DMPK: variants seen among roughly 807,000 people sequenced by gnomAD.
The protein encoded by DMPK is myotonin-protein kinase.
A neutral mutation model predicts 70.3 loss-of-function variants in DMPK; 32 were observed. The observed-to-expected ratio is 0.46, with a 90% confidence interval of 0.34 to 0.61. The LOEUF is 0.61. Among genes scored for constraint, DMPK ranks in the 20% least tolerant of loss-of-function variants. The pLI, the probability that DMPK is intolerant of heterozygous loss-of-function variation, is 0.01. For missense variants in DMPK, 899 were observed against 886.0 expected, an observed-to-expected ratio of 1.01 and a Z score of -0.19; for synonymous variants, 469 against 390.9, an observed-to-expected ratio of 1.20 and a Z score of -2.36.
intron 8 of DMPK, chr19:45,776,888 C>T (rs1969801759): frequency 6.0e-6 from 1 of 166,890 alleles, no homozygotes; most frequent in Non-Finnish European, 1.3e-5. Flanking sequence ...GTGCTGGATC[C>T]CCAGTATTGT....
chr19:45,769,806 T>G lies in DMPK; in HGVS notation c.*682A>C, dbSNP rs936855500. ...CAATAAATACCGAGGAATGTCGGGG[T>G]CTCAGTGCATCCAAAACGTGGATTG... On this transcript the variant is annotated 3_prime_UTR_variant, in exon 15 of 15. Coordinates refer to ENST00000291270, the MANE Select transcript of DMPK (RefSeq NM_004409.5). 1 of 204,286 alleles carries G rather than the reference T, an allele frequency of 4.9e-6. No homozygotes were observed. The highest frequency in any genetic ancestry group is 1.0e-5 in the Non-Finnish European group (1 of 99,184). 12.7% of individuals were successfully genotyped at this position (204,286 alleles called of 1,614,324 possible). A position where few individuals can be genotyped will look rare whatever the true frequency, so the allele number is the denominator to read the frequency against.
chr19:45,780,449 G>A, intron 1 of DMPK: 2 of 1,269,950 alleles, frequency 1.6e-6, no homozygotes, highest in South Asian at 2.9e-5. Context: ...AAGTGCTCCG[G>A]TCCAGCCCAT....
At position 45,778,166 on chromosome 19, in the gene DMPK, G is replaced by A. The variant is rs748180973; in HGVS notation, c.636C>T (p.Ala212=). 40 of 1,613,582 alleles carry A rather than the reference G, an allele frequency of 2.5e-5. No homozygotes were observed. Among genetic ancestry groups the A allele is most frequent in the African/African-American group, 2.4e-4 (18 of 74,918 alleles). ...LLDRCGHIRL[A]DFGSCLKLRA... Reference sequence around the variant, plus strand: ...GCAGCTTGAGGCAAGAGCCGAAGTCGGCCAGGCGGATGTGGCCACAGCGGT... The same window carrying A: ...GCAGCTTGAGGCAAGAGCCGAAGTCAGCCAGGCGGATGTGGCCACAGCGGT... The change falls in exon 6 of 15, where the codon GCC becomes GCT. Residue 212 remains alanine (A), a synonymous_variant. Transcript: ENST00000291270.
chr19:45,782,372 G>C lies in DMPK; in HGVS notation c.-20C>G, dbSNP rs770724824. The C allele has an allele frequency of 4.5e-6, 7 of 1,545,812 alleles. No individual in the cohort carries two copies. The African/African-American group carries it at 9.6e-5, about 21-fold the overall frequency. ...TGACATGTTGGACAGGCAGCACCAT[G>C]GCCCCTCCCCGGGCCGGGGGCTCGG... On this transcript the variant is annotated 5_prime_UTR_variant, in exon 1 of 15. Transcript: ENST00000291270.
chr19:45,781,745 G>C (rs1444923067), intron 1 of DMPK, among the ~76,000 whole-genome samples: 1 of 152,204 alleles, frequency 6.6e-6, no homozygotes, highest in African/African-American at 2.4e-5. Flanking sequence ...CTGCCTGTCG[G>C]CTGCGCCCCT....
chr19:45,779,272 T>A lies in DMPK; in HGVS notation c.424A>T (p.Asn142Tyr), dbSNP rs1416187745. 1 of 1,613,818 alleles carries A rather than the reference T, an allele frequency of 6.2e-7. No homozygotes were observed. Among genetic ancestry groups the A allele is most frequent in the Admixed American group, 1.7e-5 (1 of 60,016 alleles). The change falls in exon 4 of 15, where the codon AAC (asparagine) becomes TAC (tyrosine). Residue 142 changes from asparagine to tyrosine, a missense_variant. Asn to Tyr is a moderately radical substitution (Grantham distance 143). Around this residue, in one of 3 missense-constraint regions of DMPK, gnomAD observed 195 missense variants for 259.7 expected, o/e 0.75. Transcript: ENST00000291270. ...CCCGGCCCGGAGCTCACCAGGTAGT[T>A]CTCATCCTGGAAGGCGAAGTGCAGC... ...TQLHFAFQDE[N>Y]YLYLVMEYYV...
intron 9 of DMPK, among the ~76,000 whole-genome samples, chr19:45,774,542 G>A (rs572862323): frequency 3.2e-4 from 48 of 152,302 alleles, no homozygotes; most frequent in Non-Finnish European, 3.8e-4. Context: ...GATTACAGGC[G>A]TGAGCCACCG....
chr19:45,773,473 T>C (rs763333603), intron 9 of DMPK, among the ~76,000 whole-genome samples: 12 of 152,078 alleles, frequency 7.9e-5, no homozygotes, highest in Non-Finnish European at 1.6e-4. Flanking sequence ...TTAGACAAAG[T>C]AGCATGAGGA....
Position 45,776,390 on chromosome 19 carries a change from G to A in DMPK, c.1146+937C>T, listed in dbSNP as rs554139617. Among the ~76,000 whole-genome samples the A allele has an allele frequency of 2.0e-5, 3 of 150,474 alleles. 1 individual carries two copies. The highest frequency in any genetic ancestry group is 3.0e-5 in the Non-Finnish European group (2 of 67,622). Reference sequence around the variant, plus strand: ...GATCTCCTGACCTCGTGATCCACCCGCCTCGGCCTCCCAAAGTGCTGAGAT... The same window carrying A: ...GATCTCCTGACCTCGTGATCCACCCACCTCGGCCTCCCAAAGTGCTGAGAT... On this transcript the variant is annotated intron_variant, in intron 8 of 14. Coordinates refer to ENST00000291270, the MANE Select transcript of DMPK (RefSeq NM_004409.5).
Position 45,780,148 on chromosome 19 carries a change from C to T in DMPK, c.161-279G>A, listed in dbSNP as rs931225462. On this transcript the variant is annotated intron_variant, in intron 1 of 14. Transcript: ENST00000291270. ...GTGCAGGATGGTTAGGGTGGGGTAA[C>T]GGAGTCTGCAGAAGGACAGACCCTA... 8 of 1,434,852 alleles carry T rather than the reference C, an allele frequency of 5.6e-6. No homozygotes were observed. In the African/African-American group the frequency reaches 7.2e-5, roughly 13 times the overall value. 88.9% of individuals were successfully genotyped at this position (1,434,852 alleles called of 1,614,324 possible).
chr19:45,770,204 C>CCAG lies in DMPK; in HGVS notation c.*281_*283dup. ...AAGAAAGAAATGGTCTGTGATCCCC[C>CCAG]CAGCAGCAGCAGCAGCAGCAGCAGC... On this transcript the variant is annotated 3_prime_UTR_variant, in exon 15 of 15. Transcript: ENST00000291270. 0.023 allele frequency: 16,388 copies of CCAG among 714,356 alleles called. 624 individuals carry two copies. Among genetic ancestry groups the CCAG allele is most frequent in the Non-Finnish European group, 0.027 (11,368 of 414,716 alleles). The allele number at this position is 714,356 out of a possible 1,614,324, so 44.3% of individuals were successfully genotyped here.
chr19:45,771,001 C>T lies in DMPK; in HGVS notation c.1707G>A (p.Met569Ile), dbSNP rs1261848156. The T allele has an allele frequency of 6.9e-7, 1 of 1,447,752 alleles. No individual in the cohort carries two copies. Among genetic ancestry groups the T allele is most frequent in the East Asian group, 2.7e-5 (1 of 37,536 alleles). The allele number at this position is 1,447,752 out of a possible 1,614,324, so 89.7% of individuals were successfully genotyped here. ...CAGGGAGCAGCAGGTGGCGGCGGTGCATGGGGCCTGGCCCCACCAGCGGGC... is the reference window on the plus strand; with the variant it reads ...CAGGGAGCAGCAGGTGGCGGCGGTGTATGGGGCCTGGCCCCACCAGCGGGC... Reference protein sequence around the residue: ...GQCPLVGPGPMHRRHLLLPAR... With the variant: ...GQCPLVGPGPIHRRHLLLPAR... Residue 569 changes from methionine (M) to isoleucine (I), a missense_variant, in exon 14 of 15, where the codon ATG (methionine) becomes ATA (isoleucine). Physicochemically the swap from Met to Ile is conservative, Grantham distance 10. Coordinates refer to ENST00000291270, the MANE Select transcript of DMPK (RefSeq NM_004409.5).
At position 45,773,025 on chromosome 19, in the gene DMPK, G is replaced by A. The variant is rs376766483; in HGVS notation, c.1233-273C>T. ...TTGGGGTCCAGACCCCCATGTTCTA[G>A]GGTCAGCTCATCTCCTCCCTTGACA... On this transcript the variant is annotated intron_variant, in intron 9 of 14. Coordinates refer to ENST00000291270, the MANE Select transcript of DMPK (RefSeq NM_004409.5). Among the ~76,000 whole-genome samples, 15 of 152,362 alleles carry A rather than the reference G, an allele frequency of 9.8e-5. No homozygotes were observed. The East Asian group carries it at 2.9e-3, about 29-fold the overall frequency.
chr19:45,778,644 G>C lies in DMPK; in HGVS notation c.433-3C>G. On this transcript the variant is annotated splice_region_variant and splice_polypyrimidine_tract_variant and intron_variant, in intron 4 of 14. Coordinates refer to ENST00000291270, the MANE Select transcript of DMPK (RefSeq NM_004409.5). The stretch of plus-strand genomic sequence containing the variant: ...ACGTAATACTCCATGACCAGGTACT[G>C]AGAAGGGGTTCGTCATGGGTGGTTG... The C allele has an allele frequency of 6.2e-7, 1 of 1,613,146 alleles. No individual in the cohort carries two copies. Among genetic ancestry groups the C allele is most frequent in the Non-Finnish European group, 8.5e-7 (1 of 1,179,610 alleles).
At chr19:45,774,894 C>A in intron 9 of DMPK, 55 bp downstream of exon 9, 1 of 1,394,708 alleles carries the variant, frequency 7.2e-7, no homozygotes, top group Admixed American at 1.7e-5. Context: ...GGAGCAGGAC[C>A]CAGGAAGCTC....
rs1372172399 is a variant in DMPK, at chr19:45,770,264, G to GCAGCAGCAT, written c.*223_*224insATGCTGCTG. On this transcript the variant is annotated 3_prime_UTR_variant, in exon 15 of 15. Transcript: ENST00000291270. ...AGCAGCAGCAGCAGCAGCAGCAGCAGCATTCCCGGCTACAAGGACCCTTCG... is the reference window on the plus strand; with the variant it reads ...AGCAGCAGCAGCAGCAGCAGCAGCAGCAGCAGCATCATTCCCGGCTACAAGGACCCTTCG... 1.3e-4 allele frequency: 103 copies of GCAGCAGCAT among 811,154 alleles called. 12 individuals carry two copies. The highest frequency in any genetic ancestry group is 1.9e-4 in the Non-Finnish European group (98 of 504,046). 50.2% of individuals were successfully genotyped at this position (811,154 alleles called of 1,614,324 possible). A position where few individuals can be genotyped will look rare whatever the true frequency, so the allele number is the denominator to read the frequency against.
chr19:45,772,899 C>A, intron 9 of DMPK, 147 bp from the exon 10 acceptor site: 1 of 491,490 alleles, frequency 2.0e-6, no homozygotes, highest in Non-Finnish European at 3.5e-6. Flanking sequence ...AGAACAGAGT[C>A]CCAGGTAGGC....
chr19:45,776,435 G>A (rs1003279488), intron 8 of DMPK, among the ~76,000 whole-genome samples: 6 of 151,562 alleles, frequency 4.0e-5, no homozygotes, highest in Admixed American at 1.3e-4. Context: ...GAGCCACCAC[G>A]CCCGGCCAGC....
chr19:45,772,228 CA>C, intron 10 of DMPK: 1 of 430,236 alleles, frequency 2.3e-6, no homozygotes, highest in Non-Finnish European at 4.1e-6. Flanking sequence ...GCCCTCACGA[CA>C]AAAGGCCTTG....
Sources: gnomAD v4.1 joint callset for allele counts (sites outside exome capture counted in the v4.1 genomes callset) on GRCh38, gnomAD v4.1.1 for gene constraint, gnomAD v4.1.1 regional missense constraint, MANE v1.5 for transcripts, NCBI Gene and HGNC (gene_info 2026-07-23, HGNC 2026-07-21) for gene names.